CDC42BPB: variants seen among roughly 807,000 people sequenced by gnomAD.
CDC42BPB encodes the protein CDC42 binding protein kinase beta, also known as serine/threonine-protein kinase MRCK beta.
A neutral mutation model predicts 214.9 loss-of-function variants in CDC42BPB; 37 were observed. The observed-to-expected ratio is 0.17, with a 90% CI of 0.13 to 0.23. The LOEUF (loss-of-function observed/expected upper bound fraction) is 0.23, where lower values mean the gene tolerates loss of function less well. Among genes scored for constraint, CDC42BPB ranks in the 10% least tolerant of loss-of-function variants. CDC42BPB has a pLI of 1.00. For missense variants in CDC42BPB, 1,694 were observed against 2,227.0 expected, an observed-to-expected ratio of 0.76 and a Z score of 4.82; for synonymous variants, 931 against 884.0, an observed-to-expected ratio of 1.05 and a Z score of -0.94.
chr14:103,044,523 C>G (rs1888185036), intron 1 of CDC42BPB, among the ~76,000 whole-genome samples: 1 of 152,226 alleles, frequency 6.6e-6, no homozygotes, highest in East Asian at 1.9e-4. Flanking sequence ...GCGCCCGCCA[C>G]CATGCCCGGC....
chr14:102,939,831 G>T lies in CDC42BPB; in HGVS notation c.4708C>A (p.Arg1570=). The change falls in exon 33 of 37, where the codon CGA becomes AGA. Residue 1570 remains arginine, a splice_region_variant and synonymous_variant. Transcript: ENST00000361246. ...VPEEERLQQR[R]EMLRDPELRS... is the part of the protein sequence containing the mutation. ...GGCCCCGTGAGGCCCCGCTCCTACC[G>T]CCTCTGCTGCAGTCTCTCTTCCTCT... 6.2e-7 allele frequency: 1 copy of T among 1,614,022 alleles called. No homozygotes were observed. The highest frequency in any genetic ancestry group is 1.1e-5 in the South Asian group (1 of 91,088).
chr14:102,966,995 T>C (rs370785034), intron 17 of CDC42BPB, 51 bp downstream of exon 17: 18 of 1,591,926 alleles, frequency 1.1e-5, no homozygotes, highest in African/African-American at 4.0e-5. Context: ...GCAGACCCCA[T>C]GGACTGAGCA....
At chr14:102,970,973 A>G (rs766842994) in intron 13 of CDC42BPB, among the ~76,000 whole-genome samples, 4 of 152,244 alleles carry the variant, frequency 2.6e-5, no homozygotes, top group Non-Finnish European at 5.9e-5. Context: ...TAAACTAAGC[A>G]TCGCTTACAA....
rs1180020378 is a variant in CDC42BPB, at chr14:102,975,066, G to A, written c.1507+618C>T. On this transcript the variant is annotated intron_variant, in intron 11 of 36. Coordinates refer to ENST00000361246, the MANE Select transcript of CDC42BPB (RefSeq NM_006035.4). ...TAGCACCTACAACACCAAGGAGCAG[G>A]CAGAGTCACTGATTAAGCTTTAGGA... 3.3e-5 allele frequency among the ~76,000 whole-genome samples: 5 copies of A among 152,352 alleles called. No individual in the cohort carries two copies. The East Asian group carries it at 5.8e-4, about 18-fold the overall frequency.
chr14:102,964,068 T>C (rs889866455), intron 19 of CDC42BPB, among the ~76,000 whole-genome samples: 1 of 152,168 alleles, frequency 6.6e-6, no homozygotes, highest in African/African-American at 2.4e-5. Context: ...TAGGGAAAAA[T>C]TTCAAGTGAG....
chr14:102,945,895 G>A (rs1334083447), intron 28 of CDC42BPB, among the ~76,000 whole-genome samples, 171 bp from the exon 29 acceptor site: 7 of 152,214 alleles, frequency 4.6e-5, no homozygotes, highest in African/African-American at 1.4e-4. Context: ...CTCTCTACAC[G>A]AACTCCACAG....
intron 1 of CDC42BPB, among the ~76,000 whole-genome samples, chr14:103,056,172 G>A (rs1275523871): frequency 6.6e-6 from 1 of 152,054 alleles, no homozygotes; most frequent in East Asian, 1.9e-4. Flanking sequence ...GATCCGGAAC[G>A]AACTAGAGAA....
chr14:102,983,670 C>T lies in CDC42BPB; in HGVS notation c.777G>A (p.Gly259=). ...CCAGAGACCACCAGTCACACTCAGG[C>T]CCGTATTTGCCCATGCCGTCCTCCA... The part of the protein sequence containing the change: ...QAMEDGMGKY[G]PECDWWSLGV... The change falls in exon 7 of 37, where the codon GGG becomes GGA. Residue 259 remains glycine, a synonymous_variant. Transcript: ENST00000361246. 2 of 1,613,978 alleles carry T rather than the reference C, an allele frequency of 1.2e-6. No individual in the cohort carries two copies. Among genetic ancestry groups the T allele is most frequent in the Non-Finnish European group, 1.7e-6 (2 of 1,180,050 alleles).
At position 103,004,242 on chromosome 14, in the gene CDC42BPB, C is replaced by T; in HGVS notation, c.352-219G>A. 1 of 1,212,482 alleles carries T rather than the reference C, an allele frequency of 8.2e-7. No individual in the cohort carries two copies. Among genetic ancestry groups the T allele is most frequent in the Non-Finnish European group, 1.1e-6 (1 of 948,486 alleles). The allele number at this position is 1,212,482 out of a possible 1,614,324, so 75.1% of individuals were successfully genotyped here. A position where few individuals can be genotyped will look rare whatever the true frequency, so the allele number is the denominator to read the frequency against. ...CAAGTGCCAAGGGCTGCTGAGGAGG[C>T]ACTTGCACCCTGCTGTCCCACGGGC... On this transcript the variant is annotated intron_variant, in intron 3 of 36. Coordinates refer to ENST00000361246, the MANE Select transcript of CDC42BPB (RefSeq NM_006035.4). This position sits in a 1 kb window ranked among gnomAD's most constrained non-coding sequence, Gnocchi z 5.3.
intron 1 of CDC42BPB, among the ~76,000 whole-genome samples, chr14:103,021,235 T>G (rs1433302289): frequency 1.3e-5 from 2 of 151,974 alleles, no homozygotes; most frequent in Non-Finnish European, 2.9e-5. Context: ...CCGAGGCGAG[T>G]GGATCACGAG....
intron 1 of CDC42BPB, among the ~76,000 whole-genome samples, chr14:103,039,623 C>A (rs1456053515): frequency 6.6e-6 from 1 of 152,158 alleles, no homozygotes; most frequent in Non-Finnish European, 1.5e-5. Flanking sequence ...ACTTCCTCAA[C>A]CTGAAAAGGG....
rs767313054 is a variant in CDC42BPB, at chr14:103,003,952, G to A, written c.423C>T (p.Tyr141=). Residue 141 remains tyrosine, a synonymous_variant, in exon 4 of 37, where the codon TAC becomes TAT. Coordinates refer to ENST00000361246, the MANE Select transcript of CDC42BPB (RefSeq NM_006035.4). ...CCAGGTGGTTCTCGTCCTGAAAGGCGTAGTGCAGCGCGGTGATCCACTGGC... is the reference window on the plus strand; with the variant it reads ...CCAGGTGGTTCTCGTCCTGAAAGGCATAGTGCAGCGCGGTGATCCACTGGC... ...GDCQWITALH[Y]AFQDENHLYL... is the part of the protein sequence containing the mutation. 1.2e-5 allele frequency: 19 copies of A among 1,611,456 alleles called. No individual in the cohort carries two copies. The highest frequency in any genetic ancestry group is 5.3e-5 in the African/African-American group (4 of 74,936).
At chr14:102,975,859 C>T in intron 10 of CDC42BPB, 24 bp downstream of exon 10, 1 of 1,613,944 alleles carries the variant, frequency 6.2e-7, no homozygotes, top group South Asian at 1.1e-5. Context: ...CCCCGCCTGG[C>T]CCCGGAGCCG....
At chr14:102,973,648 T>C (rs980338061) in intron 12 of CDC42BPB, among the ~76,000 whole-genome samples, 1 of 146,224 alleles carries the variant, frequency 6.8e-6, no homozygotes, top group East Asian at 2.0e-4. Flanking sequence ...ACGGCCACCA[T>C]GCCCTGTGCA....
chr14:102,986,375 T>C (rs1894248766), intron 6 of CDC42BPB, 112 bp downstream of exon 6: 9 of 659,048 alleles, frequency 1.4e-5, no homozygotes, highest in Non-Finnish European at 2.1e-5. Context: ...AATGGATTCA[T>C]TTTCTGAATT....
At chr14:102,992,769 AATATATATTAAAAAT>A (rs1894552563) in intron 5 of CDC42BPB, among the ~76,000 whole-genome samples, 1 of 148,658 alleles carries the variant, frequency 6.7e-6, no homozygotes, top group Non-Finnish European at 1.5e-5. Context: ...ATATTCAAAA[AATATATATTAAAAAT>A]ATATATATTC....
At chr14:103,007,995 A>T (rs898549218) in intron 3 of CDC42BPB, among the ~76,000 whole-genome samples, 2 of 152,120 alleles carry the variant, frequency 1.3e-5, no homozygotes, top group East Asian at 1.9e-4. Context: ...AGAGGCATGG[A>T]ATGGCCACCA....
At position 102,972,236 on chromosome 14, in the gene CDC42BPB, G is replaced by A. The variant is rs139961246; in HGVS notation, c.1642-75C>T. On this transcript the variant is annotated intron_variant, in intron 12 of 36. Coordinates refer to ENST00000361246, the MANE Select transcript of CDC42BPB (RefSeq NM_006035.4). ...GAAGGCTGGAGGTTCGGTCTTCCATGATATTGAGGAGTTAAAAGCGACAGC... is the reference window on the plus strand; with the variant it reads ...GAAGGCTGGAGGTTCGGTCTTCCATAATATTGAGGAGTTAAAAGCGACAGC... 5.1e-5 allele frequency: 80 copies of A among 1,569,430 alleles called. No homozygotes were observed. The African/African-American group carries it at 8.7e-4, about 17-fold the overall frequency.
At chr14:102,949,658 G>T in intron 26 of CDC42BPB, 107 bp downstream of exon 26, 2 of 1,405,912 alleles carry the variant, frequency 1.4e-6, no homozygotes, top group South Asian at 1.3e-5. Context: ...AATGAAGCAG[G>T]TGAAGTACTA....
Sources: allele counts gnomAD v4.1 joint callset (sites outside exome capture counted in the v4.1 genomes callset), GRCh38; gene constraint gnomAD v4.1.1; non-coding constraint Gnocchi (gnomAD v3.1); transcripts MANE v1.5; gene names NCBI Gene and HGNC (gene_info 2026-07-23, HGNC 2026-07-21).